The following KLRG1 variants were observed in gnomAD, a reference collection of about 807,000 sequenced individuals.
KLRG1 encodes killer cell lectin like receptor G1, also known as killer cell lectin-like receptor subfamily G member 1.
In KLRG1, 16 loss-of-function variants were observed where a neutral mutation model predicts 21.8. The observed-to-expected ratio is 0.73, with a 90% CI of 0.50 to 1.11. The LOEUF (loss-of-function observed/expected upper bound fraction) is 1.11. KLRG1 is among the 50% of genes most tolerant of loss of function. The probability of loss-of-function intolerance (pLI) is 0.00; values close to 1 mark genes in which losing one functional copy is unlikely to be tolerated. For missense variants in KLRG1, 173 were observed against 218.3 expected (o/e 0.79, Z 1.31); for synonymous variants, 69 against 75.9 (o/e 0.91, Z 0.47).
chr12:9,072,297 A>G, the KLRG1 span: 2 of 1,574,938 alleles, frequency 1.3e-6, no homozygotes, highest in Non-Finnish European at 8.6e-7. Flanking sequence ...CTTAAAGAGG[A>G]GTTCCCGAAA....
At chr12:9,194,122 A>G in the KLRG1 span, 1 of 1,614,038 alleles carries the variant, frequency 6.2e-7, no homozygotes, top group South Asian at 1.1e-5. Flanking sequence ...TATTGATTGA[A>G]AACTGTGCAA....
At chr12:9,172,074 G>A in the KLRG1 span, among the ~76,000 whole-genome samples, 1 of 152,090 alleles carries the variant, frequency 6.6e-6, no homozygotes, top group Non-Finnish European at 1.5e-5. Context: ...AAGAAACCAT[G>A]TTAAGGACAC....
the KLRG1 span, chr12:9,200,840 C>T: frequency 1.3e-6 from 2 of 1,554,396 alleles, no homozygotes; most frequent in South Asian, 2.4e-5. Flanking sequence ...TAAGTGAGCT[C>T]ACACTCTAGG....
chr12:9,168,676 G>A, the KLRG1 span: 1 of 505,244 alleles, frequency 2.0e-6, no homozygotes, highest in South Asian at 3.6e-5. Context: ...AGTATCGGAT[G>A]TATCTAAAAA....
At chr12:9,006,462 TC>T (rs1947477745) in intron 3 of KLRG1, among the ~76,000 whole-genome samples, 2 of 152,138 alleles carry the variant, frequency 1.3e-5, no homozygotes, top group Non-Finnish European at 2.9e-5. Flanking sequence ...GAAAGAAGGC[TC>T]ATGTGGCTGG....
the KLRG1 span, chr12:9,196,321 A>C: frequency 3.2e-6 from 5 of 1,583,016 alleles, no homozygotes; most frequent in Non-Finnish European, 4.3e-6. Context: ...GCATTACAAC[A>C]TATCTTACCT....
the KLRG1 span, chr12:9,193,952 T>G: frequency 1.0e-6 from 1 of 964,180 alleles, no homozygotes; most frequent in Non-Finnish European, 1.5e-6. Flanking sequence ...ATCCTCAAAT[T>G]TGTAAACTCA....
chr12:9,164,410 T>C, the KLRG1 span: 2 of 835,760 alleles, frequency 2.4e-6, no homozygotes, highest in African/African-American at 1.7e-5. Context: ...TTAAGAAGCA[T>C]GGCAATGGCA....
At chr12:9,153,091 G>A in the KLRG1 span, 1 of 1,610,356 alleles carries the variant, frequency 6.2e-7, no homozygotes, top group Non-Finnish European at 8.5e-7. Flanking sequence ...CAAGTTTAAA[G>A]TTGACTCTCA....
chr12:9,059,919 A>G, the KLRG1 span, among the ~76,000 whole-genome samples: 5 of 151,140 alleles, frequency 3.3e-5, no homozygotes, highest in Admixed American at 3.3e-4. Flanking sequence ...AACTCAAGCA[A>G]TCCATCCGCC....
chr12:9,125,494 T>C, the KLRG1 span, among the ~76,000 whole-genome samples: 2 of 152,212 alleles, frequency 1.3e-5, no homozygotes, highest in Non-Finnish European at 2.9e-5. Context: ...TCATTAAATA[T>C]ATTTAAATTC....
the KLRG1 span, chr12:9,153,076 A>G: frequency 1.9e-6 from 3 of 1,607,512 alleles, no homozygotes; most frequent in African/African-American, 1.3e-5. Flanking sequence ...TTCCATTTCA[A>G]TTGGCAAGTT....
the KLRG1 span, among the ~76,000 whole-genome samples, chr12:9,053,373 CAGA>C: frequency 2.6e-5 from 4 of 152,106 alleles, 1 homozygote; most frequent in East Asian, 7.7e-4. Flanking sequence ...TGGGATCCAT[CAGA>C]TGTCTACCCT....
At chr12:9,192,313 C>G in the KLRG1 span, 2 of 1,526,060 alleles carry the variant, frequency 1.3e-6, no homozygotes, top group African/African-American at 2.7e-5. Context: ...TCTCAGCCTT[C>G]TATTCCCCAC....
At chr12:9,174,010 C>A in the KLRG1 span, among the ~76,000 whole-genome samples, 1 of 152,136 alleles carries the variant, frequency 6.6e-6, no homozygotes, top group African/African-American at 2.4e-5. Context: ...CAAAACCTGG[C>A]AGAGTCACAA....
chr12:8,998,238 T>C (rs2284349), intron 3 of KLRG1, among the ~76,000 whole-genome samples: 118,955 of 151,944 alleles, frequency 0.78, 46,958 homozygotes, highest in African/African-American at 0.82. Flanking sequence ...CTAAGGCACC[T>C]GAATCGTTTG....
At chr12:9,106,290 G>A in the KLRG1 span, 2 of 1,613,624 alleles carry the variant, frequency 1.2e-6, no homozygotes, top group South Asian at 2.2e-5. Flanking sequence ...TCACAAATGA[G>A]AGTTTGGTTA....
At chr12:9,053,501 T>C in the KLRG1 span, among the ~76,000 whole-genome samples, 1 of 151,994 alleles carries the variant, frequency 6.6e-6, no homozygotes, top group Non-Finnish European at 1.5e-5. Context: ...TGGTAGGAGG[T>C]GCTACTTCCT....
the KLRG1 span, chr12:9,074,763 G>A: frequency 4.3e-6 from 7 of 1,612,580 alleles, no homozygotes; most frequent in African/African-American, 1.3e-5. Context: ...TTCTGAGGGC[G>A]CTCCCAATGG....
Sources: allele counts gnomAD v4.1 joint callset (sites outside exome capture counted in the v4.1 genomes callset), GRCh38; gene constraint gnomAD v4.1.1; transcripts MANE v1.5; gene names NCBI Gene and HGNC (gene_info 2026-07-23, HGNC 2026-07-21).